The following ITGA2 variants were observed in gnomAD, a reference collection of about 807,000 sequenced individuals.
ITGA2 encodes integrin alpha-2.
In ITGA2, 101 loss-of-function variants were observed where a neutral mutation model predicts 146.3. The ratio of observed to expected loss-of-function variants is 0.69; its 90% confidence interval spans 0.59 to 0.81. ITGA2 has a LOEUF of 0.81. Among genes scored for constraint, ITGA2 ranks in the 40% least tolerant of loss-of-function variants. ITGA2 has a pLI of 0.00. For synonymous variants in ITGA2, 477 were observed against 487.1 expected (o/e 0.98, Z 0.27); for missense variants, 1,281 against 1,402.7 (o/e 0.91, Z 1.39).
At chr5:53,026,924 T>A (rs1374910818) in intron 2 of ITGA2, 56 bp downstream of exon 2, 2 of 1,482,050 alleles carry the variant, frequency 1.3e-6, no homozygotes, top group Non-Finnish European at 1.9e-6. Context: ...AATTTCATAT[T>A]TGACTTCAAT....
intron 9 of ITGA2, among the ~76,000 whole-genome samples, chr5:53,056,807 A>C (rs1368510935): frequency 6.6e-6 from 1 of 151,688 alleles, no homozygotes; most frequent in East Asian, 1.9e-4. Flanking sequence ...ACTAGCACAC[A>C]CTTCACAGTT....
intron 26 of ITGA2, among the ~76,000 whole-genome samples, chr5:53,082,332 G>A (rs964669451): frequency 1.3e-5 from 2 of 152,032 alleles, no homozygotes; most frequent in African/African-American, 4.8e-5. Flanking sequence ...GAATTCTCCT[G>A]GTTTTCTTTA....
chr5:53,069,111 A>G (rs149947140), intron 16 of ITGA2, among the ~76,000 whole-genome samples: 24 of 151,986 alleles, frequency 1.6e-4, no homozygotes, highest in African/African-American at 5.5e-4. Flanking sequence ...AGTATATACA[A>G]CCTTTAAAAT....
chr5:53,011,597 T>G (rs910804794), intron 1 of ITGA2, among the ~76,000 whole-genome samples: 5 of 152,144 alleles, frequency 3.3e-5, no homozygotes, highest in African/African-American at 9.7e-5. Flanking sequence ...TTATCAAGGA[T>G]TTTTCTACAC....
intron 2 of ITGA2, among the ~76,000 whole-genome samples, chr5:53,036,386 A>G (rs1395062600): frequency 6.6e-6 from 1 of 152,160 alleles, no homozygotes; most frequent in Non-Finnish European, 1.5e-5. Context: ...ATTAATCATT[A>G]CGTACAAGTC....
chr5:52,993,946 CT>C (rs1465888252), intron 1 of ITGA2, among the ~76,000 whole-genome samples: 13 of 152,076 alleles, frequency 8.5e-5, no homozygotes, highest in African/African-American at 2.7e-4. Context: ...TGGTGGAGTT[CT>C]TTTTTTCCAG....
At position 53,065,470 on chromosome 5, in the gene ITGA2, G is replaced by A. The variant is rs139892659; in HGVS notation, c.1806+355G>A. The stretch of plus-strand genomic sequence containing the variant: ...TAAAATTTCAGCAATAGGAGTATCA[G>A]GTGGTTGAAGGGGTGACTAATGAGG... On this transcript the variant is annotated intron_variant, in intron 14 of 29. Coordinates refer to ENST00000296585, the MANE Select transcript of ITGA2 (RefSeq NM_002203.4). 1.6e-3 allele frequency among the ~76,000 whole-genome samples: 236 copies of A among 152,024 alleles called. 1 individual carries two copies. The South Asian group carries it at 0.027, about 17-fold the overall frequency.
Position 53,034,432 on chromosome 5 carries a change from G to A in ITGA2, c.185+7564G>A, listed in dbSNP as rs373351252. On this transcript the variant is annotated intron_variant, in intron 2 of 29. Coordinates refer to ENST00000296585, the MANE Select transcript of ITGA2 (RefSeq NM_002203.4). ...CAAAAAAAAAAAAAATCTATAGTAG[G>A]AAGGACACTTTAAATATCTCCTGAT... 1.8e-4 allele frequency among the ~76,000 whole-genome samples: 28 copies of A among 151,838 alleles called. 2 individuals are homozygous for A. The highest frequency in any genetic ancestry group is 1.5e-3 in the Admixed American group (23 of 15,228).
At chr5:53,083,628 C>G (rs1296501426) in intron 27 of ITGA2, among the ~76,000 whole-genome samples, 175 bp downstream of exon 27, 3 of 152,198 alleles carry the variant, frequency 2.0e-5, no homozygotes, top group Admixed American at 6.5e-5. Context: ...CAATGCCCAT[C>G]CAATTTAGCA....
intron 7 of ITGA2, among the ~76,000 whole-genome samples, chr5:53,054,785 G>C (rs994549310): frequency 2.0e-5 from 3 of 152,008 alleles, no homozygotes; most frequent in African/African-American, 7.2e-5. Context: ...ACTCAGGGGG[G>C]AAATGGTGGG....
Position 53,072,594 on chromosome 5 carries a change from C to G in ITGA2, c.2347-19C>G, listed in dbSNP as rs1457365563. 2 of 1,596,348 alleles carry G rather than the reference C, an allele frequency of 1.3e-6. No homozygotes were observed. The highest frequency in any genetic ancestry group is 1.7e-4 in the Middle Eastern group (1 of 5,976). ...TCAACCCAAGAGCAAATGTATGGAT[C>G]TTTTTTCCTTTTTCGTAGATTCCTT... On this transcript the variant is annotated intron_variant, in intron 18 of 29. Coordinates refer to ENST00000296585, the MANE Select transcript of ITGA2 (RefSeq NM_002203.4).
intron 7 of ITGA2, among the ~76,000 whole-genome samples, chr5:53,052,169 A>T (rs1344766724): frequency 6.6e-6 from 1 of 152,136 alleles, no homozygotes; most frequent in African/African-American, 2.4e-5. Context: ...TACACATGCC[A>T]TGGTGATTTG....
At chr5:53,003,801 A>G (rs917030962) in intron 1 of ITGA2, among the ~76,000 whole-genome samples, 1 of 152,024 alleles carries the variant, frequency 6.6e-6, no homozygotes, top group African/African-American at 2.4e-5. Context: ...TCGACCATTC[A>G]TTGTTTTCTT....
Position 53,078,807 on chromosome 5 carries a change from A to T in ITGA2, c.2861A>T (p.Asp954Val). Residue 954 changes from aspartate to valine, a missense_variant, in exon 24 of 30, where the codon GAT becomes GTT. Transcript: ENST00000296585. ...TNINFYEISSDGNVPSIVHSF... is the reference protein window; with the variant it reads ...TNINFYEISSVGNVPSIVHSF... ...ATAAATTTTTATGAAATCTCTTCGG[A>T]TGGGAATGTTCCTTCAATCGTGCAC... The T allele has an allele frequency of 6.2e-7, 1 of 1,611,198 alleles. No homozygotes were observed. Among genetic ancestry groups the T allele is most frequent in the South Asian group, 1.1e-5 (1 of 90,996 alleles).
intron 1 of ITGA2, among the ~76,000 whole-genome samples, chr5:53,003,775 A>G (rs1370086757): frequency 6.6e-6 from 1 of 152,208 alleles, no homozygotes; most frequent in Non-Finnish European, 1.5e-5. Context: ...TAGTAACTTA[A>G]TAAACTTAAT....
At position 53,086,977 on chromosome 5, in the gene ITGA2, C is replaced by T. The variant is rs758795869; in HGVS notation, c.3284C>T (p.Thr1095Met). ...ASSTFQTVQL[T>M]AAAEINTYNP... is the part of the protein sequence containing the mutation. ...TCAACGTTCCAGACAGTACAGCTAA[C>T]GGCAGCTGCAGAAATCAACACCTAT... is the stretch of plus-strand genomic sequence containing the variant. The change falls in exon 28 of 30, where the codon ACG becomes ATG. Residue 1095 changes from threonine to methionine, a missense_variant. Thr to Met is a moderately conservative substitution (Grantham distance 81). Around this residue, in one of 3 missense-constraint regions of ITGA2, gnomAD observed 475 missense variants for 530.5 expected, o/e 0.90. Transcript: ENST00000296585. The T allele has an allele frequency of 2.5e-5, 41 of 1,613,576 alleles. No individual in the cohort carries two copies. The highest frequency in any genetic ancestry group is 5.3e-5 in the African/African-American group (4 of 74,914).
At chr5:53,017,349 A>C (rs1386158040) in intron 1 of ITGA2, among the ~76,000 whole-genome samples, 1 of 152,220 alleles carries the variant, frequency 6.6e-6, no homozygotes, top group Non-Finnish European at 1.5e-5. Context: ...TATAGGGAGC[A>C]AAGGCTCAGC....
chr5:53,010,857 A>G (rs972683990), intron 1 of ITGA2, among the ~76,000 whole-genome samples: 3 of 152,134 alleles, frequency 2.0e-5, no homozygotes, highest in Admixed American at 1.3e-4. Context: ...AGATGAAAAC[A>G]TCCTGGATTA....
At chr5:53,019,831 A>G (rs1180577637) in intron 1 of ITGA2, among the ~76,000 whole-genome samples, 1 of 152,100 alleles carries the variant, frequency 6.6e-6, no homozygotes, top group Admixed American at 6.6e-5. Context: ...TGGCCAAGTC[A>G]TCCTTATTTT....
Sources: allele counts gnomAD v4.1 joint callset (sites outside exome capture counted in the v4.1 genomes callset), GRCh38; gene constraint gnomAD v4.1.1; regional missense constraint gnomAD v4.1.1; transcripts MANE v1.5; gene names NCBI Gene and HGNC (gene_info 2026-07-23, HGNC 2026-07-21).